Variants in RBFOX1 observed in about 807,000 individuals in gnomAD.
RBFOX1 encodes the protein RNA binding fox-1 homolog 1, also known as RNA binding protein fox-1 homolog 1.
Under a neutral mutation model 57.7 loss-of-function variants are expected in RBFOX1, and 8 were observed. That is an observed-to-expected ratio of 0.14 (90% CI 0.08 to 0.25). RBFOX1 has a LOEUF of 0.25. RBFOX1 is among the 10% of genes least tolerant of loss of function. The pLI is 1.00. For missense variants in RBFOX1, 611 were observed against 548.5 expected, an observed-to-expected ratio of 1.11 and a Z score of -1.14; for synonymous variants, 326 against 222.4, an observed-to-expected ratio of 1.47 and a Z score of -4.15.
At chr16:6,960,195 CAAGAG>C (rs1359179512) in intron 3 of RBFOX1, among the ~76,000 whole-genome samples, 49 of 152,204 alleles carry the variant, frequency 3.2e-4, no homozygotes, top group African/African-American at 1.1e-3. Flanking sequence ...TAGCAGGAGA[CAAGAG>C]AAGGATAATC....
In RBFOX1 at chr16:6,845,627, A is replaced by G. The variant is rs867933586; in HGVS notation, c.-16+190977A>G. The stretch of plus-strand genomic sequence containing the variant: ...AAATCATACATTTTATCAGGACACT[A>G]TCACTTACGACCCTTCATTGGTTTC... On this transcript the variant is annotated intron_variant, in intron 3 of 15. Transcript: ENST00000550418. Among the ~76,000 whole-genome samples the G allele has an allele frequency of 6.6e-5, 10 of 151,908 alleles. No individual in the cohort carries two copies. The South Asian group carries it at 1.1e-3, about 16-fold the overall frequency.
At chr16:5,956,676 A>ATTTTTTTTTTT (rs1416211761) in intron 4 of RBFOX1, among the ~76,000 whole-genome samples, 22 of 104,056 alleles carry the variant, frequency 2.1e-4, no homozygotes, top group African/African-American at 3.9e-4. Context: ...ATATATATAT[A>ATTTTTTTTTTT]TATTTTTTTT....
chr16:6,069,760 G>A (rs1346126738), intron 1 of RBFOX1, among the ~76,000 whole-genome samples: 1 of 152,158 alleles, frequency 6.6e-6, no homozygotes, highest in East Asian at 1.9e-4. Flanking sequence ...GCTGAGGTGG[G>A]CAGATCACTT....
intron 3 of RBFOX1, among the ~76,000 whole-genome samples, chr16:6,773,142 T>G (rs2078664378): frequency 1.4e-5 from 2 of 143,342 alleles, no homozygotes; most frequent in African/African-American, 5.3e-5. Flanking sequence ...GGGGTGCATT[T>G]GTGTTTGTGT....
intron 2 of RBFOX1, among the ~76,000 whole-genome samples, chr16:5,477,639 C>A (rs993835009): frequency 6.6e-6 from 1 of 152,204 alleles, no homozygotes; most frequent in Non-Finnish European, 1.5e-5. Context: ...CAGTATCTTA[C>A]TGCTTACCCT....
intron 1 of RBFOX1, among the ~76,000 whole-genome samples, chr16:6,263,847 A>G (rs1230940825): frequency 3.9e-5 from 6 of 152,160 alleles, no homozygotes; most frequent in Non-Finnish European, 7.3e-5. Context: ...TGCCATTCCA[A>G]AGGAGAAAGT....
chr16:6,020,353 G>A (rs1326399777), intron 1 of RBFOX1, among the ~76,000 whole-genome samples: 2 of 152,092 alleles, frequency 1.3e-5, no homozygotes, highest in Admixed American at 1.3e-4. Context: ...CTCCCTGGCC[G>A]GCTGCAAGCG....
intron 3 of RBFOX1, among the ~76,000 whole-genome samples, chr16:6,856,577 T>C (rs892901970): frequency 1.3e-5 from 2 of 152,182 alleles, no homozygotes; most frequent in African/African-American, 4.8e-5. Context: ...TCAGGTGATA[T>C]TCTGTCCCTT....
At chr16:7,232,440 C>T (rs1328056291) in intron 4 of RBFOX1, among the ~76,000 whole-genome samples, 2 of 152,146 alleles carry the variant, frequency 1.3e-5, no homozygotes, top group African/African-American at 2.4e-5. Flanking sequence ...GACCAGGTTC[C>T]TGGCAACTAT....
chr16:6,890,571 T>C (rs1327069864), intron 3 of RBFOX1, among the ~76,000 whole-genome samples: 1 of 152,154 alleles, frequency 6.6e-6, no homozygotes, highest in Non-Finnish European at 1.5e-5. Flanking sequence ...GTTGTGAGGA[T>C]GGTAAAGTGA....
downstream of RBFOX1, among the ~76,000 whole-genome samples, chr16:5,600,557 A>G (rs555101061): frequency 9.5e-4 from 144 of 151,622 alleles, no homozygotes; most frequent in African/African-American, 3.4e-3. Flanking sequence ...TGTATTTGGA[A>G]TGTTCCCTCC....
rs61381949 is a variant in RBFOX1, at chr16:6,644,381, A to C, written c.-63-10222A>C. 9.3e-3 allele frequency among the ~76,000 whole-genome samples: 1,416 copies of C among 152,314 alleles called. 37 individuals carry two copies. Among genetic ancestry groups the C allele is most frequent in the East Asian group, 0.078 (402 of 5,170 alleles). On this transcript the variant is annotated intron_variant, in intron 2 of 15. Transcript: ENST00000550418. ...AAAATGTATCTTGTGTTAATATTATAAACCGTTCTGCTATAACATTTATTT... is the reference window on the plus strand; with the variant it reads ...AAAATGTATCTTGTGTTAATATTATCAACCGTTCTGCTATAACATTTATTT...
At chr16:5,691,168 C>T (rs1414603378) in intron 3 of RBFOX1, among the ~76,000 whole-genome samples, 1 of 152,202 alleles carries the variant, frequency 6.6e-6, no homozygotes, top group African/African-American at 2.4e-5. Flanking sequence ...CTGAGCTCCT[C>T]AACATCTTTG....
chr16:7,184,254 G>A (rs1283542117), intron 4 of RBFOX1, among the ~76,000 whole-genome samples: 3 of 152,206 alleles, frequency 2.0e-5, no homozygotes, highest in African/African-American at 7.2e-5. Flanking sequence ...TAGCAAGGGG[G>A]TTGAATTTTA....
At chr16:5,993,325 T>G (rs2060433666) in intron 4 of RBFOX1, among the ~76,000 whole-genome samples, 1 of 151,850 alleles carries the variant, frequency 6.6e-6, no homozygotes, top group African/African-American at 2.4e-5. Context: ...TGCCTGCCTA[T>G]TTGATAATGC....
intron 3 of RBFOX1, among the ~76,000 whole-genome samples, chr16:5,779,718 G>T (rs148737881): frequency 1.3e-4 from 20 of 152,214 alleles, no homozygotes; most frequent in African/African-American, 4.8e-4. Flanking sequence ...TGGAATGATG[G>T]GATTGTATTG....
At chr16:6,161,316 G>T (rs139883873) in intron 1 of RBFOX1, among the ~76,000 whole-genome samples, 3 of 152,036 alleles carry the variant, frequency 2.0e-5, no homozygotes, top group African/African-American at 7.2e-5. Flanking sequence ...TTGAGCCTGG[G>T]AGGCAAAGGT....
intron 12 of RBFOX1, among the ~76,000 whole-genome samples, chr16:7,657,595 G>A (rs1337798567): frequency 6.6e-6 from 1 of 152,198 alleles, no homozygotes; most frequent in Non-Finnish European, 1.5e-5. Context: ...GTGGGCCACT[G>A]CGCACAGACA....
chr16:7,534,569 A>G (rs1170589739), intron 5 of RBFOX1, among the ~76,000 whole-genome samples: 1 of 152,268 alleles, frequency 6.6e-6, no homozygotes, highest in African/African-American at 2.4e-5. Flanking sequence ...GATTCGATCC[A>G]CTGAAAGTCA....
Sources: allele counts gnomAD v4.1 joint callset (sites outside exome capture counted in the v4.1 genomes callset), GRCh38; gene constraint gnomAD v4.1.1; transcripts MANE v1.5; gene names NCBI Gene and HGNC (gene_info 2026-07-23, HGNC 2026-07-21).